The following TBC1D19 variants were observed in gnomAD, a reference collection of about 807,000 sequenced individuals.
TBC1D19 encodes the protein TBC1 domain family member 19, also known as TBC1 domain family, member 19.
In TBC1D19, 60 loss-of-function variants were observed where a neutral mutation model predicts 89.0. The observed-to-expected ratio is 0.67, with a 90% CI of 0.55 to 0.84. The LOEUF (loss-of-function observed/expected upper bound fraction) is 0.84, where lower values mean the gene tolerates loss of function less well. Among genes scored for constraint, TBC1D19 ranks in the 40% least tolerant of loss-of-function variants. TBC1D19 has a pLI of 0.00. For missense variants in TBC1D19, 500 were observed against 610.8 expected, an observed-to-expected ratio of 0.82 and a Z score of 1.91; for synonymous variants, 189 against 199.7, an observed-to-expected ratio of 0.95 and a Z score of 0.45.
chr4:26,637,504 T>C (rs1743209214), intron 5 of TBC1D19, among the ~76,000 whole-genome samples: 1 of 152,070 alleles, frequency 6.6e-6, no homozygotes, highest in Non-Finnish European at 1.5e-5. Context: ...TCCAAGTAGC[T>C]GGGACTACAG....
Position 26,754,923 on chromosome 4 carries a change from T to C in TBC1D19, c.1557T>C (p.Ile519=). ...TAAAAGTTATGCCTCTTCTTCAGAT[T>C]TTTCTGTTTGCTACTGTCACCTGAT... ...STLKVMPLLQ[I]FLFATVT is the part of the protein sequence containing the mutation. Residue 519 remains isoleucine (I), a synonymous_variant, in exon 21 of 21, where the codon ATT becomes ATC. Coordinates refer to ENST00000264866, the MANE Select transcript of TBC1D19 (RefSeq NM_018317.4). 1 of 1,606,646 alleles carries C rather than the reference T, an allele frequency of 6.2e-7. No homozygotes were observed. Among genetic ancestry groups the C allele is most frequent in the Non-Finnish European group, 8.5e-7 (1 of 1,177,736 alleles).
intron 13 of TBC1D19, among the ~76,000 whole-genome samples, chr4:26,704,287 A>G (rs1345072977): frequency 6.6e-6 from 1 of 151,964 alleles, no homozygotes; most frequent in Non-Finnish European, 1.5e-5. Context: ...TCAGACTTCA[A>G]TACTGAGTGG....
the TBC1D19 span, among the ~76,000 whole-genome samples, chr4:26,851,169 A>T: frequency 6.6e-6 from 1 of 152,158 alleles, no homozygotes; most frequent in African/African-American, 2.4e-5. Context: ...TACGCCATTG[A>T]CTTCTCTTGT....
At chr4:26,638,972 AC>A in intron 6 of TBC1D19, 138 bp downstream of exon 6, 1 of 722,082 alleles carries the variant, frequency 1.4e-6, no homozygotes, top group Non-Finnish European at 2.3e-6. Context: ...CATCTGGAAA[AC>A]CAGAATTAGA....
intron 7 of TBC1D19, among the ~76,000 whole-genome samples, chr4:26,641,734 A>G (rs1243379879): frequency 1.3e-5 from 2 of 152,242 alleles, no homozygotes; most frequent in East Asian, 1.9e-4. Flanking sequence ...AAGACCTTGA[A>G]TGACCTGATG....
the TBC1D19 span, among the ~76,000 whole-genome samples, chr4:26,827,819 C>T: frequency 1.3e-5 from 2 of 151,728 alleles, no homozygotes; most frequent in African/African-American, 4.8e-5. Flanking sequence ...CTCCTGGGCT[C>T]AAGCAATCCT....
At chr4:26,831,829 G>A in the TBC1D19 span, among the ~76,000 whole-genome samples, 29 of 151,990 alleles carry the variant, frequency 1.9e-4, no homozygotes, top group African/African-American at 6.3e-4. Context: ...CTGACCTCGT[G>A]ATCTGCCCAC....
the TBC1D19 span, among the ~76,000 whole-genome samples, chr4:26,783,652 G>A: frequency 1.3e-5 from 2 of 152,164 alleles, no homozygotes; most frequent in Non-Finnish European, 2.9e-5. Flanking sequence ...AGAAATAAAG[G>A]GGGTATGCTT....
the TBC1D19 span, among the ~76,000 whole-genome samples, chr4:26,788,743 C>T: frequency 6.6e-6 from 1 of 152,336 alleles, no homozygotes; most frequent in African/African-American, 2.4e-5. Context: ...TTCCCTCCTT[C>T]CAATTAGCCT....
the TBC1D19 span, among the ~76,000 whole-genome samples, chr4:26,804,403 C>T: frequency 6.6e-6 from 1 of 152,222 alleles, no homozygotes; most frequent in African/African-American, 2.4e-5. Flanking sequence ...GCTTCGGCCT[C>T]CCAAAGTGCT....
At chr4:26,750,141 A>G (rs1718869647) in intron 19 of TBC1D19, among the ~76,000 whole-genome samples, 1 of 152,134 alleles carries the variant, frequency 6.6e-6, no homozygotes, top group Non-Finnish European at 1.5e-5. Context: ...CTATTAAACC[A>G]AAGTAATTAT....
chr4:26,801,552 T>C, the TBC1D19 span, among the ~76,000 whole-genome samples: 251 of 152,326 alleles, frequency 1.6e-3, no homozygotes, highest in African/African-American at 5.5e-3. Flanking sequence ...AAGAAAGTCA[T>C]TGGTAGCTTG....
intron 7 of TBC1D19, among the ~76,000 whole-genome samples, chr4:26,652,670 AT>A (rs1744480696): frequency 6.6e-6 from 1 of 152,176 alleles, no homozygotes; most frequent in Non-Finnish European, 1.5e-5. Context: ...TGTTTATAGT[AT>A]TCTCTGATGG....
chr4:26,676,861 G>C (rs1019751310), intron 11 of TBC1D19, among the ~76,000 whole-genome samples: 1 of 151,884 alleles, frequency 6.6e-6, no homozygotes, highest in Non-Finnish European at 1.5e-5. Context: ...GGTCTTCTTT[G>C]TCTTATCAGT....
At chr4:26,576,706 A>T in exon 1 of TBC1D19, 1 of 456,184 alleles carries the variant, frequency 2.2e-6, no homozygotes. Flanking sequence ...GGACAGAAGA[A>T]CAACACAGCA....
the TBC1D19 span, among the ~76,000 whole-genome samples, chr4:26,784,612 C>A: frequency 4.3e-4 from 65 of 152,168 alleles, no homozygotes; most frequent in African/African-American, 1.5e-3. Context: ...ATTCCCAAAT[C>A]TTCTCACAGT....
At chr4:26,685,123 G>A (rs981046326) in intron 12 of TBC1D19, among the ~76,000 whole-genome samples, 1 of 152,200 alleles carries the variant, frequency 6.6e-6, no homozygotes, top group Admixed American at 6.5e-5. Context: ...TCTGGTAGGA[G>A]CTATTAAAAA....
At chr4:26,774,201 A>G in the TBC1D19 span, among the ~76,000 whole-genome samples, 3 of 152,214 alleles carry the variant, frequency 2.0e-5, no homozygotes, top group Non-Finnish European at 2.9e-5. Flanking sequence ...TTTACAGGGA[A>G]AATAAAGGGA....
At chr4:26,666,474 T>G in intron 9 of TBC1D19, 69 bp downstream of exon 9, 1 of 1,309,626 alleles carries the variant, frequency 7.6e-7, no homozygotes, top group Non-Finnish European at 1.1e-6. Context: ...TATTGCTATT[T>G]CCAAGTTAAT....
Sources: gnomAD v4.1 joint callset for allele counts (sites outside exome capture counted in the v4.1 genomes callset) on GRCh38, gnomAD v4.1.1 for gene constraint, MANE v1.5 for transcripts, NCBI Gene and HGNC (gene_info 2026-07-23, HGNC 2026-07-21) for gene names.